PDGFRB: variants seen among roughly 807,000 people sequenced by gnomAD.
PDGFRB encodes platelet-derived growth factor receptor beta.
Under a neutral mutation model 120.2 loss-of-function variants are expected in PDGFRB, and 42 were observed. The observed-to-expected ratio is 0.35, with a 90% CI of 0.27 to 0.45. The LOEUF (loss-of-function observed/expected upper bound fraction) is 0.45. Ranked by LOEUF, PDGFRB falls within the 20% of genes least tolerant of loss-of-function variation. The probability of loss-of-function intolerance (pLI) is 1.00; values close to 1 mark genes in which losing one functional copy is unlikely to be tolerated. For synonymous variants in PDGFRB, 586 were observed against 606.8 expected (o/e 0.97, Z 0.50); for missense variants, 1,149 against 1,476.3 (o/e 0.78, Z 3.63).
rs1252598875 is a variant in PDGFRB, at chr5:150,135,878, C to A, written c.41G>T (p.Gly14Val). Residue 14 changes from glycine (G) to valine (V), a missense_variant and splice_region_variant, in exon 3 of 23, where the codon GGC (glycine) becomes GTC (valine). Physicochemically the swap from Gly to Val is moderately radical, Grantham distance 109. Around this residue, in one of 3 missense-constraint regions of PDGFRB, gnomAD observed 879 missense variants for 1,108.6 expected, o/e 0.79. Transcript: ENST00000261799. Reference sequence around the variant, plus strand: ...CAGGAGAGACAGCAACAGCAGCTCGCCTTTGGGAGAGGAGGTATCAGACAT... The same window carrying A: ...CAGGAGAGACAGCAACAGCAGCTCGACTTTGGGAGAGGAGGTATCAGACAT... ...PGAMPALALK[G>V]ELLLLSLLLL... The A allele has an allele frequency of 7.9e-6, 12 of 1,521,308 alleles. No individual in the cohort carries two copies. Among genetic ancestry groups the A allele is most frequent in the African/African-American group, 1.4e-5 (1 of 71,794 alleles). The allele number at this position is 1,521,308 out of a possible 1,614,324, so 94.2% of individuals were successfully genotyped here. A position where few individuals can be genotyped will look rare whatever the true frequency, so the allele number is the denominator to read the frequency against.
intron 1 of PDGFRB, among the ~76,000 whole-genome samples, chr5:150,152,901 C>T (rs867942923): frequency 2.0e-5 from 3 of 152,220 alleles, no homozygotes; most frequent in East Asian, 3.8e-4. Context: ...AGCCCACACA[C>T]GGTCCTGCTG....
Position 150,133,782 on chromosome 5 carries a change from GC to G in PDGFRB, c.760-23del, listed in dbSNP as rs1760546174. On this transcript the variant is annotated intron_variant, in intron 5 of 22. Coordinates refer to ENST00000261799, the MANE Select transcript of PDGFRB (RefSeq NM_002609.4). ...CACTCTGCAGCAACAGGTTGGGCAG[GC>G]CCCCCAAATCAGGAGGGGCCGGGGA... is the stretch of plus-strand genomic sequence containing the variant. The G allele has an allele frequency of 1.9e-6, 3 of 1,612,964 alleles. No individual in the cohort carries two copies. In the East Asian group the frequency reaches 6.7e-5, roughly 36 times the overall value.
chr5:150,116,022 C>T (rs533134825), intron 22 of PDGFRB, 76 bp from the exon 23 acceptor site: 10 of 1,340,764 alleles, frequency 7.5e-6, no homozygotes, highest in South Asian at 5.4e-5. Context: ...GAAGAGCCTT[C>T]GGTGTGTCCA....
intron 1 of PDGFRB, chr5:150,153,685 T>C (rs967078920): frequency 1.3e-5 from 2 of 152,150 alleles, no homozygotes; most frequent in African/African-American, 2.4e-5. Flanking sequence ...GGTCTCCTGC[T>C]TGGAGACAGG....
At chr5:150,143,970 C>T (rs1478444182) in intron 1 of PDGFRB, among the ~76,000 whole-genome samples, 1 of 152,090 alleles carries the variant, frequency 6.6e-6, no homozygotes, top group Non-Finnish European at 1.5e-5. Flanking sequence ...CTTCTAGGCC[C>T]GGGGTCCTCT....
In PDGFRB at chr5:150,117,809, G is replaced by A. The variant is rs1760009102; in HGVS notation, c.2946C>T (p.His982=). 2 of 1,613,506 alleles carry A rather than the reference G, an allele frequency of 1.2e-6. No individual in the cohort carries two copies. The highest frequency in any genetic ancestry group is 2.2e-5 in the East Asian group (1 of 44,880). The change falls in exon 22 of 23, where the codon CAC becomes CAT. Residue 982 remains histidine, a synonymous_variant. Coordinates refer to ENST00000261799, the MANE Select transcript of PDGFRB (RefSeq NM_002609.4). ...QVDEEFLRSD[H]PAILRSQARL... is the part of the protein sequence containing the mutation. ...GGGCCTGGGACCGAAGGATGGCTGG[G>A]TGGTCACTCCTCAGAAACTCCTCAT... is the stretch of plus-strand genomic sequence containing the variant.
intron 2 of PDGFRB, 53 bp downstream of exon 2, chr5:150,136,954 AG>A: frequency 7.2e-7 from 1 of 1,386,848 alleles, no homozygotes; most frequent in Non-Finnish European, 1.0e-6. Flanking sequence ...TGCCAGCTCC[AG>A]GGTTCCACTC....
rs112111082 is a variant in PDGFRB, at chr5:150,141,804, C to T, written c.-6-4751G>A. 7.9e-5 allele frequency among the ~76,000 whole-genome samples: 12 copies of T among 152,102 alleles called. 1 individual carries two copies. Among genetic ancestry groups the T allele is most frequent in the African/African-American group, 2.9e-4 (12 of 41,466 alleles). ...CGTGCTGAGGGGACGATGCCATTTT[C>T]TGAGATGAGAATGAGGTCAAAGAGC... On this transcript the variant is annotated intron_variant, in intron 1 of 22. Coordinates refer to ENST00000261799, the MANE Select transcript of PDGFRB (RefSeq NM_002609.4).
chr5:150,150,234 G>A (rs531931272), intron 1 of PDGFRB, among the ~76,000 whole-genome samples: 3 of 152,186 alleles, frequency 2.0e-5, no homozygotes, highest in Admixed American at 1.3e-4. Context: ...GAACAAAGGC[G>A]AGCCCAGGTC....
intron 19 of PDGFRB, 93 bp downstream of exon 19, chr5:150,119,912 TATCAGGG>T: frequency 2.7e-6 from 2 of 742,084 alleles, no homozygotes; most frequent in Non-Finnish European, 5.0e-6. Flanking sequence ...AGGATCCCTG[TATCAGGG>T]CTCGTCCCAT....
chr5:150,144,755 AAGG>A (rs1038792408), intron 1 of PDGFRB, among the ~76,000 whole-genome samples: 2 of 152,076 alleles, frequency 1.3e-5, no homozygotes, highest in African/African-American at 4.8e-5. Context: ...GCAGCCTGAG[AAGG>A]AGGTCAGTGA....
At position 150,121,695 on chromosome 5, in the gene PDGFRB, C is replaced by T. The variant is rs1407391781; in HGVS notation, c.2344+185G>A. On this transcript the variant is annotated intron_variant, in intron 16 of 22. Transcript: ENST00000261799. The surrounding 1 kb of genome is among the most constrained non-coding windows in gnomAD (Gnocchi z 4.1). ...GAGGGTTCTACGCATGTTTCCGGAT[C>T]CATAAACAGGGCTTCCGTTTAGGGG... Among the ~76,000 whole-genome samples, 1 of 152,220 alleles carries T rather than the reference C, an allele frequency of 6.6e-6. No individual in the cohort carries two copies. Among genetic ancestry groups the T allele is most frequent in the Non-Finnish European group, 1.5e-5 (1 of 68,038 alleles).
At position 150,123,100 on chromosome 5, in the gene PDGFRB, G is replaced by T; in HGVS notation, c.2125C>A (p.Arg709Ser). 1 of 1,613,944 alleles carries T rather than the reference G, an allele frequency of 6.2e-7. No individual in the cohort carries two copies. Residue 709 changes from arginine to serine, a missense_variant, in exon 15 of 23, where the codon CGC (arginine) becomes AGC (serine). Physicochemically the swap from Arg to Ser is moderately radical, Grantham distance 110 (BLOSUM62 -1). Coordinates refer to ENST00000261799, the MANE Select transcript of PDGFRB (RefSeq NM_002609.4). Reference protein sequence around the residue: ...TFLQHHSDKRRPPSAELYSNA... With the variant: ...TFLQHHSDKRSPPSAELYSNA... Reference sequence around the variant, plus strand: ...CTGTAGAGCTCCGCGCTGGGCGGGCGGCGCTTGTCGGAGTGGTGCTGCAGG... The same window carrying T: ...CTGTAGAGCTCCGCGCTGGGCGGGCTGCGCTTGTCGGAGTGGTGCTGCAGG...
rs1759895566 is a variant in PDGFRB at position 150,115,346 on chromosome 5, A to AG, written c.*416dup. On this transcript the variant is annotated 3_prime_UTR_variant, in exon 23 of 23. Transcript: ENST00000261799. ...GCGAGGAGAGAGCTATGATTCCTTGAGGGGTAGCTGGCTGAACAGAAAAAA... is the reference window on the plus strand; with the variant it reads ...GCGAGGAGAGAGCTATGATTCCTTGAGGGGGTAGCTGGCTGAACAGAAAAAA... 2 of 235,156 alleles carry AG rather than the reference A, an allele frequency of 8.5e-6. No individual in the cohort carries two copies. The highest frequency in any genetic ancestry group is 3.6e-4 in the South Asian group (2 of 5,600). 14.6% of individuals were successfully genotyped at this position (235,156 alleles called of 1,614,324 possible).
rs368817770 is a variant in PDGFRB at position 150,121,926 on chromosome 5, G to A, written c.2298C>T (p.Ile766=). ...AAGGGGCCATGTAGTTGGAGGACTC[G>A]ATGTCTGCATATTTGACGTCTCCTT... The part of the protein sequence containing the change: ...DMKGDVKYAD[I]ESSNYMAPYD... The change falls in exon 16 of 23, where the codon ATC becomes ATT. Residue 766 remains isoleucine (I), a synonymous_variant. Transcript: ENST00000261799. The surrounding 1 kb of genome is among the most constrained non-coding windows in gnomAD (Gnocchi z 4.1). 21 of 1,613,214 alleles carry A rather than the reference G, an allele frequency of 1.3e-5. No individual in the cohort carries two copies. The highest frequency in any genetic ancestry group is 4.5e-5 in the East Asian group (2 of 44,902).
At chr5:150,124,560 G>A (rs754188127) in intron 13 of PDGFRB, 167 bp downstream of exon 13, 6 of 617,366 alleles carry the variant, frequency 9.7e-6, no homozygotes, top group South Asian at 4.0e-5. Context: ...GGAGAGGAAC[G>A]CTCTTTCCCA....
At chr5:150,152,394 G>A (rs931050917) in intron 1 of PDGFRB, among the ~76,000 whole-genome samples, 9 of 152,204 alleles carry the variant, frequency 5.9e-5, no homozygotes, top group African/African-American at 2.2e-4. Context: ...CTTCCCAGCT[G>A]AGGTGCTACA....
At chr5:150,125,417 C>G in intron 12 of PDGFRB, 28 bp downstream of exon 12, 2 of 1,593,924 alleles carry the variant, frequency 1.3e-6, no homozygotes, top group South Asian at 1.1e-5. Context: ...AGTCCCCACA[C>G]TGCCACATGA....
At position 150,120,677 on chromosome 5, in the gene PDGFRB, G is replaced by T. The variant is rs532503886; in HGVS notation, c.2586+211C>A. 1.1e-3 allele frequency among the ~76,000 whole-genome samples: 169 copies of T among 152,068 alleles called. No individual in the cohort carries two copies. Among genetic ancestry groups the T allele is most frequent in the Middle Eastern group, 6.8e-3 (2 of 294 alleles). ...CCCATTATAGCCAGCCCTCCCCGCC[G>T]CTATACTTGCTCCATGCACTCCTGG... On this transcript the variant is annotated intron_variant, in intron 18 of 22. Transcript: ENST00000261799. The surrounding 1 kb of genome is among the most constrained non-coding windows in gnomAD (Gnocchi z 4.3).
Sources: gnomAD v4.1 joint callset for allele counts (sites outside exome capture counted in the v4.1 genomes callset) on GRCh38, gnomAD v4.1.1 for gene constraint, gnomAD v4.1.1 regional missense constraint, Gnocchi (gnomAD v3.1) non-coding constraint, MANE v1.5 for transcripts, NCBI Gene and HGNC (gene_info 2026-07-23, HGNC 2026-07-21) for gene names.